PCDHA8: variants seen among roughly 807,000 people sequenced by gnomAD.
PCDHA8 encodes protocadherin alpha-8.
In PCDHA8, 53 loss-of-function variants were observed where a neutral mutation model predicts 61.8. The observed-to-expected ratio is 0.86, with a 90% CI of 0.69 to 1.08. PCDHA8 has a LOEUF of 1.08. PCDHA8 is among the 50% of genes least tolerant of loss of function. The probability of loss-of-function intolerance (pLI) is 0.00; values close to 1 mark genes in which losing one functional copy is unlikely to be tolerated. For synonymous variants in PCDHA8, 618 were observed against 556.6 expected, an observed-to-expected ratio of 1.11 and a Z score of -1.55; for missense variants, 1,293 against 1,245.0, an observed-to-expected ratio of 1.04 and a Z score of -0.58.
At chr5:140,970,243 T>C (rs1554232347) in intron 1 of PCDHA8, among the ~76,000 whole-genome samples, 1 of 152,252 alleles carries the variant, frequency 6.6e-6, no homozygotes, top group Non-Finnish European at 1.5e-5. Flanking sequence ...TGATTTTCTG[T>C]TGACAGTTTC....
intron 1 of PCDHA8, among the ~76,000 whole-genome samples, chr5:140,874,080 C>A (rs2054679872): frequency 6.6e-6 from 1 of 152,142 alleles, no homozygotes; most frequent in South Asian, 2.1e-4. Flanking sequence ...CTGATGACAT[C>A]AAAATTCAAA....
At chr5:140,874,058 T>C (rs1454224127) in intron 1 of PCDHA8, among the ~76,000 whole-genome samples, 1 of 152,234 alleles carries the variant, frequency 6.6e-6, no homozygotes, top group African/African-American at 2.4e-5. Context: ...TTAGACAATT[T>C]AAATAATTAG....
chr5:140,916,053 G>T (rs1378949362), intron 1 of PCDHA8, among the ~76,000 whole-genome samples: 1 of 152,104 alleles, frequency 6.6e-6, no homozygotes, highest in African/African-American at 2.4e-5. Flanking sequence ...AGGCAGAGGT[G>T]CCTCTCCCTG....
intron 1 of PCDHA8, among the ~76,000 whole-genome samples, chr5:140,949,294 T>C (rs1554218899): frequency 1.3e-5 from 2 of 151,840 alleles, no homozygotes; most frequent in African/African-American, 4.8e-5. Flanking sequence ...TATTCTGTAA[T>C]TGTTGGGTGT....
chr5:140,881,180 T>G (rs1054668567), intron 1 of PCDHA8: 1 of 167,342 alleles, frequency 6.0e-6, no homozygotes, highest in East Asian at 1.9e-4. Flanking sequence ...TTTTCCTTGC[T>G]AAAGATATGT....
intron 1 of PCDHA8, chr5:140,851,374 C>A: frequency 4.1e-6 from 4 of 975,728 alleles, no homozygotes; most frequent in Non-Finnish European, 5.0e-6. Flanking sequence ...TCTGATTGTT[C>A]AGCAACCTTC....
chr5:140,969,276 G>T, intron 1 of PCDHA8: 1 of 1,614,202 alleles, frequency 6.2e-7, no homozygotes, highest in Non-Finnish European at 8.5e-7. Context: ...GGCCAAAGTG[G>T]TCAGAATGCT....
chr5:140,907,733 A>C (rs2073566986), intron 1 of PCDHA8, among the ~76,000 whole-genome samples: 1 of 152,162 alleles, frequency 6.6e-6, no homozygotes, highest in Non-Finnish European at 1.5e-5. Context: ...CATCCCTGCC[A>C]CCATGGCCAC....
In PCDHA8 at chr5:140,858,203, C is replaced by T. The variant is rs781959847; in HGVS notation, c.2394+14488C>T. On this transcript the variant is annotated intron_variant, in intron 1 of 3. Coordinates refer to ENST00000531613, the MANE Select transcript of PCDHA8 (RefSeq NM_018911.3). The stretch of plus-strand genomic sequence containing the variant: ...GCTCACGCTGCTGCTGTACACTGCA[C>T]TGAGGTGCTCGGCGGCGCCCACCGA... The T allele has an allele frequency of 3.7e-5, 59 of 1,595,952 alleles. 8 individuals are homozygous for T. Among genetic ancestry groups the T allele is most frequent in the Non-Finnish European group, 4.8e-5 (56 of 1,166,554 alleles).
chr5:140,908,587 T>G (rs186345728), intron 1 of PCDHA8, among the ~76,000 whole-genome samples: 3 of 152,298 alleles, frequency 2.0e-5, no homozygotes, highest in East Asian at 3.9e-4. Context: ...AGTAGTTAGC[T>G]GCAGAAGATG....
At chr5:140,893,987 T>A (rs112405686) in intron 1 of PCDHA8, among the ~76,000 whole-genome samples, 1 of 152,202 alleles carries the variant, frequency 6.6e-6, no homozygotes, top group Non-Finnish European at 1.5e-5. Context: ...TTTTAAAATA[T>A]CTCCAATTGT....
chr5:140,884,357 A>C, intron 1 of PCDHA8: 1 of 1,613,864 alleles, frequency 6.2e-7, no homozygotes. Context: ...GGTGGATGTC[A>C]ATGTTTACTT....
In PCDHA8 at chr5:140,842,737, C is replaced by A; in HGVS notation, c.1416C>A (p.Cys472Ter). ...VFVKENNPPG[C>*]HIFTVSARDA... Reference sequence around the variant, plus strand: ...TGAAGGAGAACAACCCGCCGGGCTGCCACATCTTCACGGTGTCTGCGCGAG... The same window carrying A: ...TGAAGGAGAACAACCCGCCGGGCTGACACATCTTCACGGTGTCTGCGCGAG... The change falls in exon 1 of 4, where the codon TGC (cysteine) becomes TGA (stop). Residue 472 changes from cysteine to a stop codon, truncating the protein, a stop_gained. Transcript: ENST00000531613. LOFTEE classifies it high-confidence loss of function. The A allele has an allele frequency of 6.3e-7, 1 of 1,595,052 alleles. No individual in the cohort carries two copies. The highest frequency in any genetic ancestry group is 8.6e-7 in the Non-Finnish European group (1 of 1,165,456).
intron 1 of PCDHA8, among the ~76,000 whole-genome samples, chr5:140,961,519 A>G (rs246002): frequency 0.56 from 85,694 of 152,068 alleles, 24,757 homozygotes; most frequent in African/African-American, 0.69. Flanking sequence ...ATGTCTCCAC[A>G]AATTCTAGAT....
At chr5:140,921,379 T>C (rs1186418255) in intron 1 of PCDHA8, among the ~76,000 whole-genome samples, 1 of 152,180 alleles carries the variant, frequency 6.6e-6, no homozygotes, top group Non-Finnish European at 1.5e-5. Context: ...TTTCTACATA[T>C]TTGATAAACA....
intron 1 of PCDHA8, among the ~76,000 whole-genome samples, chr5:140,950,022 A>T (rs1355491628): frequency 6.6e-6 from 1 of 151,918 alleles, no homozygotes; most frequent in Non-Finnish European, 1.5e-5. Context: ...CCTTCATAAA[A>T]TATAGAAAAG....
chr5:140,896,738 T>C (rs2065731964), intron 1 of PCDHA8, among the ~76,000 whole-genome samples: 2 of 152,180 alleles, frequency 1.3e-5, no homozygotes, highest in African/African-American at 4.8e-5. Context: ...AAGTTCCTTA[T>C]AGATTCTGGA....
intron 1 of PCDHA8, chr5:140,856,933 C>T: frequency 5.0e-6 from 8 of 1,593,874 alleles, no homozygotes; most frequent in Non-Finnish European, 6.0e-6. Flanking sequence ...TTTGGATAAA[C>T]GAAAGGACGG....
At chr5:140,923,116 T>C (rs1418111802) in intron 1 of PCDHA8, among the ~76,000 whole-genome samples, 1 of 152,216 alleles carries the variant, frequency 6.6e-6, no homozygotes, top group African/African-American at 2.4e-5. Flanking sequence ...TTTAAGTTTT[T>C]AGGGTCACAC....
Sources: allele counts gnomAD v4.1 joint callset (sites outside exome capture counted in the v4.1 genomes callset), GRCh38; gene constraint gnomAD v4.1.1; transcripts MANE v1.5; gene names NCBI Gene and HGNC (gene_info 2026-07-23, HGNC 2026-07-21).